Variants in DCC observed in about 807,000 individuals in gnomAD.
The protein encoded by DCC is netrin receptor DCC.
A neutral mutation model predicts 172.5 loss-of-function variants in DCC; 58 were observed. The ratio of observed to expected loss-of-function variants is 0.34; its 90% confidence interval spans 0.27 to 0.42. The LOEUF is 0.42. DCC is among the 10% of genes least tolerant of loss of function. DCC has a pLI of 1.00. For synonymous variants in DCC, 709 were observed against 644.5 expected (o/e 1.10, Z -1.52); for missense variants, 1,740 against 1,791.0 (o/e 0.97, Z 0.51).
intron 1 of DCC, among the ~76,000 whole-genome samples, chr18:52,494,193 TTC>T (rs2030644669): frequency 6.6e-6 from 1 of 152,036 alleles, no homozygotes; most frequent in South Asian, 2.1e-4. Context: ...AATGCCTGTT[TTC>T]TCTGTTTTTA....
rs746858672 is a variant in DCC at position 53,398,090 on chromosome 18, C to T, written c.2827+644C>T. On this transcript the variant is annotated intron_variant, in intron 18 of 28. Coordinates refer to ENST00000442544, the MANE Select transcript of DCC (RefSeq NM_005215.4). ...TTTAACAAGGATGCAGTGTACTTGACATTTATAGTTCACAGAAATCCAACT... is the reference window on the plus strand; with the variant it reads ...TTTAACAAGGATGCAGTGTACTTGATATTTATAGTTCACAGAAATCCAACT... Among the ~76,000 whole-genome samples, 150 of 152,104 alleles carry T rather than the reference C, an allele frequency of 9.9e-4. 2 individuals are homozygous for T. The highest frequency in any genetic ancestry group is 8.3e-4 in the South Asian group (4 of 4,826).
At chr18:52,506,632 T>A (rs1320323129) in intron 1 of DCC, among the ~76,000 whole-genome samples, 1 of 152,130 alleles carries the variant, frequency 6.6e-6, no homozygotes. Flanking sequence ...TGTTATATGA[T>A]ATTTTTCTTT....
At chr18:53,143,287 T>C (rs1598844689) in intron 7 of DCC, among the ~76,000 whole-genome samples, 1 of 152,352 alleles carries the variant, frequency 6.6e-6, no homozygotes, top group African/African-American at 2.4e-5. Context: ...CTGTGTTAAT[T>C]ATCTAATACA....
chr18:52,597,237 C>T (rs900931585), intron 1 of DCC, among the ~76,000 whole-genome samples: 1 of 152,168 alleles, frequency 6.6e-6, no homozygotes, highest in Non-Finnish European at 1.5e-5. Flanking sequence ...GGTTGCTTTG[C>T]CAAACCTGTC....
chr18:53,135,157 A>C (rs2043720956), intron 7 of DCC, among the ~76,000 whole-genome samples: 1 of 152,092 alleles, frequency 6.6e-6, no homozygotes, highest in Non-Finnish European at 1.5e-5. Flanking sequence ...TTCTCAGCTT[A>C]TTGGAACAGA....
chr18:52,645,103 T>C (rs943206699), intron 1 of DCC, among the ~76,000 whole-genome samples: 8 of 152,200 alleles, frequency 5.3e-5, no homozygotes, highest in Non-Finnish European at 1.0e-4. Context: ...TTGAGTTTTC[T>C]TGAGACATTG....
At chr18:52,510,102 C>G (rs137855389) in intron 1 of DCC, among the ~76,000 whole-genome samples, 2 of 145,706 alleles carry the variant, frequency 1.4e-5, no homozygotes, top group East Asian at 2.1e-4. Context: ...AAAATTCTGT[C>G]CCCCCTGCAT....
chr18:52,922,340 A>G (rs2040139263), intron 3 of DCC, among the ~76,000 whole-genome samples: 1 of 152,114 alleles, frequency 6.6e-6, no homozygotes, highest in African/African-American at 2.4e-5. Context: ...ACTGTGATAT[A>G]CCTGTGTGGA....
intron 1 of DCC, among the ~76,000 whole-genome samples, chr18:52,379,618 CT>C (rs1985500258): frequency 6.6e-6 from 1 of 152,218 alleles, no homozygotes; most frequent in South Asian, 2.1e-4. Context: ...GGCAGAAAGT[CT>C]TTCTAGTAAT....
chr18:53,099,961 G>GTTTTTTTTTTTTTTTTTTTTT (rs58395852), intron 7 of DCC, among the ~76,000 whole-genome samples: 1 of 97,918 alleles, frequency 1.0e-5, no homozygotes, highest in African/African-American at 4.2e-5. Context: ...TTTTTTTTTT[G>GTTTTTTTTTTTTTTTTTTTTT]TTTGAGACAG....
intron 12 of DCC, among the ~76,000 whole-genome samples, chr18:53,247,704 G>A (rs1330844004): frequency 6.6e-6 from 1 of 151,938 alleles, no homozygotes; most frequent in Non-Finnish European, 1.5e-5. Context: ...TTAACCATTT[G>A]CCAAATGATT....
chr18:52,862,759 T>C (rs1169708878), intron 2 of DCC, among the ~76,000 whole-genome samples: 1 of 151,966 alleles, frequency 6.6e-6, no homozygotes, highest in African/African-American at 2.4e-5. Context: ...ACTTACTCTT[T>C]TACAGAGAGG....
intron 1 of DCC, among the ~76,000 whole-genome samples, chr18:52,451,651 T>C (rs1988308672): frequency 6.6e-6 from 1 of 152,130 alleles, no homozygotes; most frequent in Admixed American, 6.6e-5. Flanking sequence ...AGGACCAAAA[T>C]ACATCCTAAG....
At chr18:52,700,201 TAC>T in intron 1 of DCC, among the ~76,000 whole-genome samples, 1 of 141,396 alleles carries the variant, frequency 7.1e-6, no homozygotes, top group East Asian at 2.2e-4. Flanking sequence ...CACACGCACA[TAC>T]ACACATGCAC....
chr18:53,085,385 T>C (rs143954312), intron 7 of DCC, among the ~76,000 whole-genome samples: 69 of 152,202 alleles, frequency 4.5e-4, no homozygotes, highest in Admixed American at 1.4e-3. Context: ...TCTTTACCAG[T>C]TCCTTAGCAC....
chr18:53,506,508 A>AAAAT (rs1178826914), intron 27 of DCC, among the ~76,000 whole-genome samples: 3 of 152,164 alleles, frequency 2.0e-5, no homozygotes, highest in Admixed American at 2.0e-4. Context: ...TATTTTTATG[A>AAAAT]AAATAAACAG....
chr18:53,526,902 T>C, intron 28 of DCC, 143 bp downstream of exon 28: 1 of 781,590 alleles, frequency 1.3e-6, no homozygotes, highest in South Asian at 1.5e-5. Context: ...GTTCCTTTGT[T>C]TTCCTGCACT....
chr18:52,390,045 G>A (rs929313942), intron 1 of DCC, among the ~76,000 whole-genome samples: 1 of 151,984 alleles, frequency 6.6e-6, no homozygotes, highest in African/African-American at 2.4e-5. Flanking sequence ...GGGCAAAGGT[G>A]GGATTTGGGG....
chr18:52,775,627 G>C lies in DCC; in HGVS notation c.412+23253G>C, dbSNP rs997273493. 4.7e-4 allele frequency among the ~76,000 whole-genome samples: 71 copies of C among 152,300 alleles called. 1 individual carries two copies. Among genetic ancestry groups the C allele is most frequent in the Admixed American group, 3.7e-3 (56 of 15,314 alleles). On this transcript the variant is annotated intron_variant, in intron 2 of 28. Transcript: ENST00000442544. ...GGTCAAACTCTGCCTCGTCCCGCCGGTAGATGGCCTGCAGGCCTGCCACTA... is the reference window on the plus strand; with the variant it reads ...GGTCAAACTCTGCCTCGTCCCGCCGCTAGATGGCCTGCAGGCCTGCCACTA...
Sources: gnomAD v4.1 joint callset for allele counts (sites outside exome capture counted in the v4.1 genomes callset) on GRCh38, gnomAD v4.1.1 for gene constraint, MANE v1.5 for transcripts, NCBI Gene and HGNC (gene_info 2026-07-23, HGNC 2026-07-21) for gene names.